Variants in GPR89B observed in about 807,000 individuals in gnomAD.
GPR89B encodes the protein golgi pH regulator B, also known as G protein-coupled receptor 89B.
A neutral mutation model predicts 52.4 loss-of-function variants in GPR89B; 25 were observed. The observed-to-expected ratio is 0.48, with a 90% CI of 0.35 to 0.67. GPR89B has a LOEUF of 0.67. Among genes scored for constraint, GPR89B ranks in the 30% least tolerant of loss-of-function variants. The pLI is 0.01. For synonymous variants in GPR89B, 52 were observed against 151.2 expected, an observed-to-expected ratio of 0.34 and a Z score of 4.81; for missense variants, 146 against 450.2, an observed-to-expected ratio of 0.32 and a Z score of 6.11.
chr1:147,985,475 G>C (rs1230836721), intron 10 of GPR89B, among the ~76,000 whole-genome samples: 4,023 of 147,332 alleles, frequency 0.027, 89 homozygotes, highest in African/African-American at 0.045. Context: ...AGCCCACAGG[G>C]CAAACCTAAC....
the GPR89B span, among the ~76,000 whole-genome samples, chr1:148,005,891 G>C: frequency 6.6e-6 from 1 of 152,098 alleles, no homozygotes; most frequent in East Asian, 1.9e-4. Context: ...AACTGGATTT[G>C]CCTGCCTTGT....
chr1:147,940,526 A>G (rs1174844984), intron 3 of GPR89B, among the ~76,000 whole-genome samples: 1 of 152,072 alleles, frequency 6.6e-6, no homozygotes, highest in Non-Finnish European at 1.5e-5. Context: ...TATTATCACA[A>G]CCTGCATCTT....
chr1:148,009,033 G>A, the GPR89B span, among the ~76,000 whole-genome samples: 2 of 152,100 alleles, frequency 1.3e-5, no homozygotes, highest in African/African-American at 2.4e-5. Context: ...AGGGCTAGAA[G>A]CATCAACCCT....
chr1:147,949,930 C>T (rs1655456751), intron 5 of GPR89B, among the ~76,000 whole-genome samples: 1 of 131,836 alleles, frequency 7.6e-6, no homozygotes, highest in Non-Finnish European at 1.6e-5. Flanking sequence ...GGGGGCTGAC[C>T]CCCCCACCTC....
chr1:148,011,895 C>T, the GPR89B span: 1 of 152,100 alleles, frequency 6.6e-6, no homozygotes, highest in African/African-American at 2.4e-5. Context: ...CTTCGAAGGA[C>T]TGGATCTGAG....
intron 5 of GPR89B, among the ~76,000 whole-genome samples, chr1:147,950,807 C>T (rs1655614380): frequency 6.6e-6 from 1 of 152,186 alleles, no homozygotes; most frequent in African/African-American, 2.4e-5. Flanking sequence ...GTGGCGCACG[C>T]CTGCAATCGC....
intron 10 of GPR89B, among the ~76,000 whole-genome samples, chr1:147,971,547 T>C (rs1657472425): frequency 6.9e-6 from 1 of 144,354 alleles, no homozygotes; most frequent in Admixed American, 7.3e-5. Flanking sequence ...TGATCTCGGC[T>C]CACTGCAACC....
At chr1:147,975,426 C>T (rs1432458794) in intron 10 of GPR89B, among the ~76,000 whole-genome samples, 1 of 148,258 alleles carries the variant, frequency 6.7e-6, no homozygotes, top group Non-Finnish European at 1.5e-5. Flanking sequence ...TTATCCATTT[C>T]TTCTAGATTT....
chr1:148,020,600 A>G, the GPR89B span, among the ~76,000 whole-genome samples: 2 of 151,524 alleles, frequency 1.3e-5, no homozygotes, highest in Admixed American at 6.6e-5. Flanking sequence ...CCGCGCTAAT[A>G]AAGAAAAAAA....
intron 5 of GPR89B, among the ~76,000 whole-genome samples, chr1:147,953,078 A>G (rs1655847467): frequency 1.4e-5 from 2 of 148,010 alleles, no homozygotes; most frequent in African/African-American, 2.5e-5. Context: ...TAAACAGTCA[A>G]TGATTGTTAT....
At position 147,951,094 on chromosome 1, in the gene GPR89B, G is replaced by T. The variant is rs587666719; in HGVS notation, c.416-2251G>T. Among the ~76,000 whole-genome samples the T allele has an allele frequency of 3.0e-4, 46 of 151,954 alleles. No individual in the cohort carries two copies. The South Asian group carries it at 4.0e-3, about 13-fold the overall frequency. ...AACCAGGGGAAAACTTATTACCATA[G>T]TGTCGTAGTGGTTAAAGCCCAGACT... On this transcript the variant is annotated intron_variant, in intron 5 of 13. Coordinates refer to ENST00000314163, the MANE Select transcript of GPR89B (RefSeq NM_016334.5).
chr1:147,997,525 A>G (rs1571330651), downstream of GPR89B, among the ~76,000 whole-genome samples: 2 of 152,176 alleles, frequency 1.3e-5, no homozygotes, highest in Admixed American at 6.5e-5. Context: ...AGGACTGCCA[A>G]TCAGGGGTGA....
chr1:147,968,350 C>T, intron 8 of GPR89B: 1 of 453,592 alleles, frequency 2.2e-6, no homozygotes. Context: ...TCCTTATGTG[C>T]AAAATGGATA....
At chr1:147,931,868 A>G (rs1553247068) in intron 1 of GPR89B, among the ~76,000 whole-genome samples, 1 of 152,012 alleles carries the variant, frequency 6.6e-6, no homozygotes, top group Non-Finnish European at 1.5e-5. Flanking sequence ...TAATTTGCTT[A>G]GGATGATGGC....
At chr1:147,988,730 G>A (rs1343781311) in intron 12 of GPR89B, among the ~76,000 whole-genome samples, 1 of 150,072 alleles carries the variant, frequency 6.7e-6, no homozygotes, top group African/African-American at 2.5e-5. Flanking sequence ...TGGGTGTGGT[G>A]GCACATGCCT....
intron 10 of GPR89B, among the ~76,000 whole-genome samples, chr1:147,975,671 A>G (rs1657781988): frequency 6.6e-6 from 1 of 151,992 alleles, no homozygotes; most frequent in Admixed American, 6.6e-5. Context: ...TTCTGCTGTG[A>G]CCTTGGTTAT....
At chr1:147,989,245 C>A (rs1324095236) in intron 12 of GPR89B, among the ~76,000 whole-genome samples, 1 of 151,412 alleles carries the variant, frequency 6.6e-6, no homozygotes, top group Non-Finnish European at 1.5e-5. Context: ...TCAATAAGTT[C>A]TTGGAAACAG....
rs782699954 is a variant in GPR89B, at chr1:147,938,869, T to C, written c.206+52T>C. ...TTGAAGAGTTCTGTGCTACATTCTT[T>C]ACAGTGGAAAAGCTATTGGATCTCA... On this transcript the variant is annotated intron_variant, in intron 3 of 13. Transcript: ENST00000314163. 9 of 1,539,614 alleles carry C rather than the reference T, an allele frequency of 5.8e-6. No homozygotes were observed. In the Admixed American group the frequency reaches 8.3e-5, roughly 14 times the overall value.
intron 10 of GPR89B, among the ~76,000 whole-genome samples, chr1:147,975,030 C>T (rs1374284743): frequency 6.6e-6 from 1 of 151,866 alleles, no homozygotes; most frequent in Non-Finnish European, 1.5e-5. Context: ...CTGACTTGAT[C>T]GTGGTAGATG....
Sources: allele counts gnomAD v4.1 joint callset (sites outside exome capture counted in the v4.1 genomes callset), GRCh38; gene constraint gnomAD v4.1.1; transcripts MANE v1.5; gene names NCBI Gene and HGNC (gene_info 2026-07-23, HGNC 2026-07-21).